Variants in SLC25A21 observed in about 807,000 individuals in gnomAD.
SLC25A21 encodes mitochondrial 2-oxodicarboxylate carrier.
SLC25A21 carries 47 observed loss-of-function variants against 43.8 expected under a neutral mutation model. The ratio of observed to expected loss-of-function variants is 1.07; its 90% CI spans 0.85 to 1.37. The LOEUF is 1.37. Among genes scored for constraint, SLC25A21 ranks in the 40% most tolerant of loss-of-function variants. The pLI is 0.00. For missense variants in SLC25A21, 352 were observed against 350.2 expected (o/e 1.00, Z -0.04); for synonymous variants, 131 against 121.3 (o/e 1.08, Z -0.52).
At chr14:37,134,446 AG>A (rs1334561013) in intron 1 of SLC25A21, among the ~76,000 whole-genome samples, 1 of 152,132 alleles carries the variant, frequency 6.6e-6, no homozygotes, top group East Asian at 1.9e-4. Context: ...TTTCCACTGT[AG>A]TATCCTGATT....
intron 3 of SLC25A21, among the ~76,000 whole-genome samples, chr14:36,768,944 A>AAC (rs982605304): frequency 6.2e-5 from 9 of 146,174 alleles, no homozygotes; most frequent in Non-Finnish European, 1.3e-4. Flanking sequence ...AAAAAAAAAA[A>AAC]AAACAAAAAC....
At chr14:36,750,841 A>G (rs1445653338) in intron 3 of SLC25A21, among the ~76,000 whole-genome samples, 1 of 152,146 alleles carries the variant, frequency 6.6e-6, no homozygotes, top group Non-Finnish European at 1.5e-5. Flanking sequence ...ATTTCATGAG[A>G]TCATCCCTCA....
chr14:36,753,717 T>C (rs1189845051), intron 3 of SLC25A21, among the ~76,000 whole-genome samples: 2 of 152,148 alleles, frequency 1.3e-5, no homozygotes, highest in Non-Finnish European at 2.9e-5. Context: ...AAAGCCAATA[T>C]TTATAGAATT....
chr14:36,689,759 G>A (rs1882714514), intron 7 of SLC25A21, among the ~76,000 whole-genome samples: 1 of 152,186 alleles, frequency 6.6e-6, no homozygotes, highest in South Asian at 2.1e-4. Context: ...CAGTGAATCT[G>A]GGAATGGAGC....
chr14:36,944,985 T>C (rs973334309), intron 1 of SLC25A21, among the ~76,000 whole-genome samples: 3 of 152,202 alleles, frequency 2.0e-5, no homozygotes, highest in South Asian at 2.1e-4. Context: ...CAAATCATGT[T>C]GATTTCTTCC....
In SLC25A21 at chr14:36,985,672, C is replaced by T. The variant is rs1400213281; in HGVS notation, c.71-110668G>A. Among the ~76,000 whole-genome samples the T allele has an allele frequency of 3.3e-5, 5 of 152,156 alleles. 1 individual carries two copies. In the South Asian group the frequency reaches 1.0e-3, roughly 32 times the overall value. ...GACCATGATGTCAAATGTTCGCATA[C>T]ATTGCTGTTTCTTCATTTAATTAAT... On this transcript the variant is annotated intron_variant, in intron 1 of 9. Coordinates refer to ENST00000331299, the MANE Select transcript of SLC25A21 (RefSeq NM_030631.4).
intron 1 of SLC25A21, among the ~76,000 whole-genome samples, chr14:37,160,270 G>A (rs1963916309): frequency 6.6e-6 from 1 of 152,230 alleles, no homozygotes; most frequent in African/African-American, 2.4e-5. Context: ...GCACTTGCAT[G>A]TTTATTGCAG....
intron 1 of SLC25A21, among the ~76,000 whole-genome samples, chr14:36,951,510 A>C (rs1892810024): frequency 6.6e-6 from 1 of 152,198 alleles, no homozygotes; most frequent in Non-Finnish European, 1.5e-5. Flanking sequence ...TGCTGGAGCA[A>C]ATAAAACAAA....
intron 2 of SLC25A21, among the ~76,000 whole-genome samples, chr14:36,864,647 C>T (rs1161394459): frequency 6.6e-6 from 1 of 152,210 alleles, no homozygotes; most frequent in African/African-American, 2.4e-5. Flanking sequence ...CCATTCCACA[C>T]CATTATATGT....
At chr14:36,942,771 C>T (rs535628880) in intron 1 of SLC25A21, among the ~76,000 whole-genome samples, 1 of 152,210 alleles carries the variant, frequency 6.6e-6, no homozygotes, top group East Asian at 1.9e-4. Context: ...ATCAAGTGAC[C>T]GGCTGTTTGT....
At chr14:36,692,215 G>C (rs1882820908) in intron 7 of SLC25A21, among the ~76,000 whole-genome samples, 1 of 152,196 alleles carries the variant, frequency 6.6e-6, no homozygotes, top group Admixed American at 6.5e-5. Flanking sequence ...GGAGATCAAT[G>C]AGTTTCTCTG....
chr14:36,977,967 A>G (rs74397944), intron 1 of SLC25A21, among the ~76,000 whole-genome samples: 9 of 143,764 alleles, frequency 6.3e-5, no homozygotes, highest in African/African-American at 2.3e-4. Context: ...AAAAAAAAAA[A>G]GACAATTAGT....
At chr14:37,087,414 C>T (rs1359734352) in intron 1 of SLC25A21, among the ~76,000 whole-genome samples, 3 of 152,178 alleles carry the variant, frequency 2.0e-5, no homozygotes, top group Non-Finnish European at 2.9e-5. Flanking sequence ...TGACCTGAAA[C>T]CAACTGGGTT....
intron 1 of SLC25A21, among the ~76,000 whole-genome samples, chr14:36,915,241 C>T (rs1891798696): frequency 6.6e-6 from 1 of 152,080 alleles, no homozygotes; most frequent in Admixed American, 6.6e-5. Flanking sequence ...TATCATGGCA[C>T]AGTTTCAACA....
intron 1 of SLC25A21, among the ~76,000 whole-genome samples, chr14:37,047,948 T>C (rs1961623355): frequency 6.6e-6 from 1 of 152,232 alleles, no homozygotes; most frequent in Non-Finnish European, 1.5e-5. Context: ...AATCTATACA[T>C]GTAAATGTTT....
At position 36,679,679 on chromosome 14, in the gene SLC25A21, C is replaced by G. The variant is rs1323821252; in HGVS notation, c.*979G>C. On this transcript the variant is annotated 3_prime_UTR_variant, in exon 10 of 10. Transcript: ENST00000331299. ...CAGCTGACTTCCCACCTGAAGTTGTCGTTTAAAACTAATAACCTGAAAATG... is the reference window on the plus strand; with the variant it reads ...CAGCTGACTTCCCACCTGAAGTTGTGGTTTAAAACTAATAACCTGAAAATG... The G allele has an allele frequency of 2.0e-6, 2 of 985,236 alleles. No homozygotes were observed. The highest frequency in any genetic ancestry group is 1.2e-4 in the Admixed American group (2 of 16,258). 61.0% of individuals were successfully genotyped at this position (985,236 alleles called of 1,614,324 possible). A position where few individuals can be genotyped will look rare whatever the true frequency, so the allele number is the denominator to read the frequency against.
rs181129306 is a variant in SLC25A21, at chr14:37,164,135, T to C, written c.70+8146A>G. Among the ~76,000 whole-genome samples, 356 of 152,322 alleles carry C rather than the reference T, an allele frequency of 2.3e-3. 2 individuals carry two copies. Among genetic ancestry groups the C allele is most frequent in the East Asian group, 1.2e-3 (6 of 5,184 alleles). ...AGCCACATATTAAGGGTAGTTACACTTTTAAAACATCTTTCAGGAAGGTAG... is the reference window on the plus strand; with the variant it reads ...AGCCACATATTAAGGGTAGTTACACCTTTAAAACATCTTTCAGGAAGGTAG... On this transcript the variant is annotated intron_variant, in intron 1 of 9. Transcript: ENST00000331299.
At chr14:36,859,976 C>T (rs762895874) in intron 2 of SLC25A21, among the ~76,000 whole-genome samples, 2 of 152,048 alleles carry the variant, frequency 1.3e-5, no homozygotes, top group African/African-American at 2.4e-5. Context: ...CTCTTGTAGG[C>T]ACTGTGTAAT....
At chr14:37,005,163 A>G (rs1443778117) in intron 1 of SLC25A21, among the ~76,000 whole-genome samples, 1 of 152,052 alleles carries the variant, frequency 6.6e-6, no homozygotes, top group Non-Finnish European at 1.5e-5. Context: ...ACCTTCATAC[A>G]TCTGTACCAC....
Sources: gnomAD v4.1 joint callset for allele counts (sites outside exome capture counted in the v4.1 genomes callset) on GRCh38, gnomAD v4.1.1 for gene constraint, MANE v1.5 for transcripts, NCBI Gene and HGNC (gene_info 2026-07-23, HGNC 2026-07-21) for gene names.